TRPC5: variants seen among roughly 807,000 people sequenced by gnomAD.
The protein encoded by TRPC5 is transient receptor potential cation channel subfamily C member 5.
TRPC5 carries 9 observed loss-of-function variants against 56.5 expected under a neutral mutation model. That is an observed-to-expected ratio of 0.16 (90% CI 0.10 to 0.28). The LOEUF (loss-of-function observed/expected upper bound fraction) is 0.28. Among genes scored for constraint, TRPC5 ranks in the 10% least tolerant of loss-of-function variants. The pLI, the probability that TRPC5 is intolerant of heterozygous loss-of-function variation, is 1.00. For synonymous variants in TRPC5, 282 were observed against 278.5 expected (o/e 1.01, Z -0.13); for missense variants, 469 against 748.9 (o/e 0.63, Z 4.36).
At chrX:111,898,537 A>T (rs1238053045) in intron 3 of TRPC5, among the ~76,000 whole-genome samples, 6 of 109,046 alleles carry the variant, frequency 5.5e-5, no homozygotes, top group Non-Finnish European at 9.6e-5. Flanking sequence ...TCCTTCCATT[A>T]TTTCTTTTTT....
intron 1 of TRPC5, among the ~76,000 whole-genome samples, chrX:111,960,320 T>C (rs1303867562): frequency 8.9e-6 from 1 of 112,484 alleles, no homozygotes; most frequent in Non-Finnish European, 1.9e-5. Context: ...ACACGTGTGA[T>C]TTTATTTTTG....
At chrX:111,858,727 T>C (rs1304276063) in intron 3 of TRPC5, among the ~76,000 whole-genome samples, 1 of 111,861 alleles carries the variant, frequency 8.9e-6, no homozygotes, top group African/African-American at 3.3e-5. Context: ...ACTGTTTTAC[T>C]GGAGCCCATT....
chrX:111,809,333 T>C (rs1245424438), intron 7 of TRPC5, among the ~76,000 whole-genome samples: 4 of 111,417 alleles, frequency 3.6e-5, no homozygotes, highest in East Asian at 5.7e-4. Context: ...GTTCTGATGG[T>C]TGGGATGAAC....
chrX:111,888,583 A>G (rs1333161238), intron 3 of TRPC5, among the ~76,000 whole-genome samples: 4 of 103,740 alleles, frequency 3.9e-5, no homozygotes, highest in African/African-American at 1.4e-4. Context: ...AATCCCAGCT[A>G]CTTGGGAGGC....
chrX:111,773,013 T>A lies in TRPC5; in HGVS notation c.*3300A>T, dbSNP rs1173932611. ...TTTTTGGAAAAGGTATTAAGTCATT[T>A]GAAAAGTGGAGGCGTTCGTTTTTTA... On this transcript the variant is annotated 3_prime_UTR_variant, in exon 11 of 11. Transcript: ENST00000262839. Among the ~76,000 whole-genome samples the A allele has an allele frequency of 8.9e-6, 1 of 112,014 alleles. No individual in the cohort carries two copies. The highest frequency in any genetic ancestry group is 3.2e-5 in the African/African-American group (1 of 30,832).
chrX:112,027,899 A>G (rs985861896), intron 1 of TRPC5, among the ~76,000 whole-genome samples: 2 of 112,195 alleles, frequency 1.8e-5, no homozygotes, highest in Non-Finnish European at 3.8e-5. Context: ...TGATATTTGC[A>G]TACTTTACTT....
intron 1 of TRPC5, among the ~76,000 whole-genome samples, chrX:111,963,948 C>T (rs1406678274): frequency 8.9e-6 from 1 of 112,173 alleles, no homozygotes; most frequent in African/African-American, 3.2e-5. Context: ...CAGCTCCTCA[C>T]CAGCAATGGA....
At chrX:111,978,997 C>A (rs767969202) in intron 1 of TRPC5, among the ~76,000 whole-genome samples, 32 of 111,439 alleles carry the variant, frequency 2.9e-4, no homozygotes, top group Non-Finnish European at 2.5e-4. Context: ...TCCACTCTTG[C>A]AACTTTTATT....
At chrX:111,778,027 C>T (rs972000162) in intron 10 of TRPC5, among the ~76,000 whole-genome samples, 2 of 112,309 alleles carry the variant, frequency 1.8e-5, no homozygotes, top group Non-Finnish European at 3.8e-5. Flanking sequence ...TGGAACATAG[C>T]AGACCCTCAG....
chrX:111,973,842 A>C (rs1300076837), intron 1 of TRPC5, among the ~76,000 whole-genome samples: 3 of 112,071 alleles, frequency 2.7e-5, no homozygotes, highest in Non-Finnish European at 5.6e-5. Context: ...GGTTATTTAT[A>C]TCTATTGTAT....
At chrX:111,803,709 C>A (rs1178174960) in intron 7 of TRPC5, among the ~76,000 whole-genome samples, 1 of 111,190 alleles carries the variant, frequency 9.0e-6, no homozygotes, top group Non-Finnish European at 1.9e-5. Flanking sequence ...TTGTTTTTTT[C>A]TTGTAAATTT....
At chrX:111,779,378 A>G (rs1603023996) in intron 9 of TRPC5, among the ~76,000 whole-genome samples, 1 of 112,101 alleles carries the variant, frequency 8.9e-6, no homozygotes, top group East Asian at 2.8e-4. Context: ...TTCCTTTAGG[A>G]TGGATTACAC....
intron 2 of TRPC5, among the ~76,000 whole-genome samples, chrX:111,929,269 A>T (rs985593766): frequency 2.7e-5 from 3 of 112,039 alleles, no homozygotes; most frequent in Non-Finnish European, 5.6e-5. Flanking sequence ...CATATACTTG[A>T]GACTCCCTGG....
chrX:111,991,654 CTAAAAACCTGGCAGCAAT>C (rs1928358119), intron 1 of TRPC5, among the ~76,000 whole-genome samples: 1 of 112,105 alleles, frequency 8.9e-6, no homozygotes, highest in South Asian at 3.7e-4. Flanking sequence ...ACATCATTTT[CTAAAAACCTGGCAGCAAT>C]CTATCACACC....
At chrX:111,855,360 A>G (rs1923194586) in intron 3 of TRPC5, among the ~76,000 whole-genome samples, 1 of 111,342 alleles carries the variant, frequency 9.0e-6, no homozygotes, top group Non-Finnish European at 1.9e-5. Context: ...GAAGTTTCCT[A>G]TGTGTGCTCC....
At chrX:111,845,815 G>T (rs1055461430) in intron 6 of TRPC5, among the ~76,000 whole-genome samples, 3 of 111,832 alleles carry the variant, frequency 2.7e-5, no homozygotes, top group Non-Finnish European at 5.6e-5. Flanking sequence ...AACCAAAATA[G>T]CACTATCTCT....
At position 111,879,314 on chromosome X, in the gene TRPC5, A is replaced by T. The variant is rs1981609; in HGVS notation, c.901-25208T>A. Among the ~76,000 whole-genome samples the T allele has an allele frequency of 3.5e-3, 393 of 112,063 alleles. 2 individuals carry two copies. Among genetic ancestry groups the T allele is most frequent in the African/African-American group, 0.012 (377 of 30,858 alleles). ...ACTCTCGTTCTTCAGGTTGAACTTG[A>T]AATGTCTTCCTGAGACTTTATGTAT... On this transcript the variant is annotated intron_variant, in intron 3 of 10. Coordinates refer to ENST00000262839, the MANE Select transcript of TRPC5 (RefSeq NM_012471.3).
chrX:111,849,055 G>T (rs1402677987), intron 5 of TRPC5, among the ~76,000 whole-genome samples: 2 of 112,132 alleles, frequency 1.8e-5, no homozygotes, highest in Non-Finnish European at 3.8e-5. Flanking sequence ...AGCCTTTAAA[G>T]GTTTGAGGTA....
intron 2 of TRPC5, among the ~76,000 whole-genome samples, chrX:111,920,919 A>G (rs1238529078): frequency 8.9e-6 from 1 of 111,975 alleles, no homozygotes; most frequent in Non-Finnish European, 1.9e-5. Flanking sequence ...TGGATCATGA[A>G]AAAACATAAA....
Sources: allele counts gnomAD v4.1 joint callset (sites outside exome capture counted in the v4.1 genomes callset), GRCh38; gene constraint gnomAD v4.1.1; transcripts MANE v1.5; gene names NCBI Gene and HGNC (gene_info 2026-07-23, HGNC 2026-07-21).